The following DLGAP2 variants were observed in gnomAD, a reference collection of about 807,000 sequenced individuals.
DLGAP2 encodes the protein DLG associated protein 2, also known as disks large-associated protein 2.
Under a neutral mutation model 100.3 loss-of-function variants are expected in DLGAP2, and 26 were observed. That is an observed-to-expected ratio of 0.26 (90% CI 0.19 to 0.36). The LOEUF is 0.36. Ranked by LOEUF, DLGAP2 falls within the 10% of genes least tolerant of loss-of-function variation. DLGAP2 has a pLI of 1.00. For missense variants in DLGAP2, 1,858 were observed against 1,453.2 expected (o/e 1.28, Z -4.53); for synonymous variants, 886 against 630.1 (o/e 1.41, Z -6.08).
At chr8:1,297,191 T>G (rs1800200893) in intron 3 of DLGAP2, 1 of 152,340 alleles carries the variant, frequency 6.6e-6, no homozygotes, top group East Asian at 1.9e-4. Flanking sequence ...GCGATGAGAA[T>G]GACATGGACC....
Position 1,697,290 on chromosome 8 carries a change from G to T in DLGAP2, c.2940G>T (p.Pro980=). 6.2e-7 allele frequency: 1 copy of T among 1,604,230 alleles called. No individual in the cohort carries two copies. Among genetic ancestry groups the T allele is most frequent in the Non-Finnish European group, 8.5e-7 (1 of 1,174,770 alleles). ...RLNDWKMMES[P]ERKEERKVPP... is the part of the protein sequence containing the mutation. ...ACGACTGGAAGATGATGGAGTCCCC[G>T]GAAAGAAAGGTAAGGGCATCCATGC... is the stretch of plus-strand genomic sequence containing the variant. Residue 980 remains proline (P), a synonymous_variant, in exon 14 of 15, where the codon CCG becomes CCT. Coordinates refer to ENST00000637795, the MANE Select transcript of DLGAP2 (RefSeq NM_001346810.2).
At chr8:1,135,784 A>T (rs1214599292) in intron 2 of DLGAP2, among the ~76,000 whole-genome samples, 1 of 152,184 alleles carries the variant, frequency 6.6e-6, no homozygotes, top group African/African-American at 2.4e-5. Context: ...TGAGCTGGTG[A>T]TATTTCTGGT....
chr8:1,639,851 C>A (rs1797855892), intron 8 of DLGAP2, among the ~76,000 whole-genome samples: 1 of 152,226 alleles, frequency 6.6e-6, no homozygotes, highest in African/African-American at 2.4e-5. Flanking sequence ...TCGTCTGACT[C>A]TGACCCCCTC....
chr8:1,005,584 ATTT>A (rs11370572), intron 2 of DLGAP2, among the ~76,000 whole-genome samples: 2 of 144,996 alleles, frequency 1.4e-5, no homozygotes, highest in Non-Finnish European at 1.5e-5. Flanking sequence ...TGCCCAGCTA[ATTT>A]TTTTTTTTTT....
In DLGAP2 at chr8:1,662,625, A is replaced by G. The variant is rs55696175; in HGVS notation, c.1811-5704A>G. ...ACCATTTTTCTTGTGGGCTGATGTC[A>G]GGAAGAGGTTTAAGCCCATTCAGAC... is the stretch of plus-strand genomic sequence containing the variant. On this transcript the variant is annotated intron_variant, in intron 8 of 14. Transcript: ENST00000637795. Among the ~76,000 whole-genome samples the G allele has an allele frequency of 4.3e-3, 654 of 152,392 alleles. 4 individuals are homozygous for G. The highest frequency in any genetic ancestry group is 0.015 in the African/African-American group (627 of 41,598).
rs372028294 is a variant in DLGAP2 at position 1,685,207 on chromosome 8, C to G, written c.2705-6328C>G. ...CAGCGGTCAGCAGCTGACAAAGAGC[C>G]CAGAGAGACTCTGAGAATGAGCAGA... On this transcript the variant is annotated intron_variant, in intron 12 of 14. Coordinates refer to ENST00000637795, the MANE Select transcript of DLGAP2 (RefSeq NM_001346810.2). Among the ~76,000 whole-genome samples the G allele has an allele frequency of 2.6e-5, 4 of 152,078 alleles. No individual in the cohort carries two copies. In the East Asian group the frequency reaches 7.7e-4, roughly 29 times the overall value.
At chr8:1,566,532 T>G (rs1313672468) in intron 6 of DLGAP2, among the ~76,000 whole-genome samples, 2 of 152,230 alleles carry the variant, frequency 1.3e-5, no homozygotes, top group Non-Finnish European at 2.9e-5. Context: ...CAAGTTAGTT[T>G]GGGTGGTAAT....
intron 3 of DLGAP2, among the ~76,000 whole-genome samples, chr8:1,382,242 T>C (rs1423526729): frequency 1.3e-5 from 2 of 152,320 alleles, no homozygotes; most frequent in South Asian, 4.1e-4. Context: ...ATAAAATACA[T>C]GTACTGTTTA....
chr8:1,176,523 C>T (rs775011698), intron 2 of DLGAP2, among the ~76,000 whole-genome samples: 9 of 152,322 alleles, frequency 5.9e-5, no homozygotes, highest in Non-Finnish European at 8.8e-5. Flanking sequence ...ATCCTGCCCT[C>T]ACAGCCGCCC....
At chr8:1,290,237 A>C (rs1403412385) in intron 3 of DLGAP2, among the ~76,000 whole-genome samples, 1 of 152,322 alleles carries the variant, frequency 6.6e-6, no homozygotes, top group East Asian at 1.9e-4. Context: ...AAAGCTGAGA[A>C]AGTCGGGAAA....
intron 2 of DLGAP2, among the ~76,000 whole-genome samples, chr8:962,451 C>G (rs1799748334): frequency 6.6e-6 from 1 of 152,182 alleles, no homozygotes; most frequent in African/African-American, 2.4e-5. Context: ...GAGTTGCTGA[C>G]CCGTCCTTGC....
intron 2 of DLGAP2, among the ~76,000 whole-genome samples, chr8:1,231,797 G>A (rs1250437895): frequency 6.6e-6 from 1 of 152,104 alleles, no homozygotes; most frequent in Non-Finnish European, 1.5e-5. Context: ...GACCCTGGGG[G>A]CCGCTAGAGG....
At chr8:1,566,439 T>C (rs1475171608) in intron 6 of DLGAP2, among the ~76,000 whole-genome samples, 1 of 152,206 alleles carries the variant, frequency 6.6e-6, no homozygotes, top group Admixed American at 6.5e-5. Flanking sequence ...GATAAAACTC[T>C]TTGGGAAATC....
At chr8:1,530,135 A>G (rs573220369) in intron 4 of DLGAP2, among the ~76,000 whole-genome samples, 84 of 152,312 alleles carry the variant, frequency 5.5e-4, no homozygotes, top group Admixed American at 1.3e-3. Context: ...TTTATTTGGC[A>G]GGAATTTCCT....
intron 2 of DLGAP2, among the ~76,000 whole-genome samples, chr8:965,298 A>T (rs1799828135): frequency 7.8e-6 from 1 of 128,624 alleles, no homozygotes; most frequent in Non-Finnish European, 1.6e-5. Context: ...TTCACCACAC[A>T]GGGCTCCTGA....
intron 2 of DLGAP2, among the ~76,000 whole-genome samples, chr8:1,102,659 C>G (rs1197206947): frequency 6.6e-6 from 1 of 152,170 alleles, no homozygotes; most frequent in East Asian, 1.9e-4. Flanking sequence ...GGGCACTCGC[C>G]TCTGTGGCAA....
At chr8:1,337,780 T>C (rs1389425959) in intron 3 of DLGAP2, among the ~76,000 whole-genome samples, 1 of 152,118 alleles carries the variant, frequency 6.6e-6, no homozygotes, top group East Asian at 1.9e-4. Context: ...GTAGAAAATA[T>C]CTGCAAATCA....
chr8:1,135,256 C>T (rs1796380474), intron 2 of DLGAP2, among the ~76,000 whole-genome samples: 4 of 151,996 alleles, frequency 2.6e-5, no homozygotes, highest in Admixed American at 2.6e-4. Context: ...TTAGTATTTT[C>T]CAAGCTGCCT....
chr8:1,357,908 T>G (rs891337167), intron 3 of DLGAP2, among the ~76,000 whole-genome samples: 4 of 152,166 alleles, frequency 2.6e-5, no homozygotes, highest in African/African-American at 9.6e-5. Flanking sequence ...ACATGGATGT[T>G]GGCTCCCCAC....
Sources: allele counts gnomAD v4.1 joint callset (sites outside exome capture counted in the v4.1 genomes callset), GRCh38; gene constraint gnomAD v4.1.1; transcripts MANE v1.5; gene names NCBI Gene and HGNC (gene_info 2026-07-23, HGNC 2026-07-21).